The following ZNF354B variants were observed in gnomAD, a reference collection of about 807,000 sequenced individuals.
ZNF354B encodes zinc finger protein 354B.
A neutral mutation model predicts 12.9 loss-of-function variants in ZNF354B; 10 were observed. The ratio of observed to expected loss-of-function variants is 0.77; its 90% CI spans 0.48 to 1.31. The LOEUF is 1.31. Among genes scored for constraint, ZNF354B ranks in the 40% most tolerant of loss-of-function variants. The pLI, the probability that ZNF354B is intolerant of heterozygous loss-of-function variation, is 0.00. For missense variants in ZNF354B, 614 were observed against 711.7 expected, an observed-to-expected ratio of 0.86 and a Z score of 1.56; for synonymous variants, 260 against 243.7, an observed-to-expected ratio of 1.07 and a Z score of -0.62.
chr5:178,871,511 T>A (rs1362123703), intron 4 of ZNF354B, among the ~76,000 whole-genome samples: 1 of 152,214 alleles, frequency 6.6e-6, no homozygotes, highest in East Asian at 1.9e-4. Flanking sequence ...GTAATAGACC[T>A]GTTTCTTCAT....
At chr5:178,866,726 C>T (rs1365062035) in intron 3 of ZNF354B, among the ~76,000 whole-genome samples, 1 of 152,116 alleles carries the variant, frequency 6.6e-6, no homozygotes, top group South Asian at 2.1e-4. Context: ...CATTGCCTTT[C>T]CCACTGCTCC....
intron 4 of ZNF354B, among the ~76,000 whole-genome samples, chr5:178,874,555 A>T (rs1273049785): frequency 6.6e-6 from 1 of 152,112 alleles, no homozygotes; most frequent in Non-Finnish European, 1.5e-5. Context: ...GCATTATGAA[A>T]TTCTTGTAGT....
Position 178,882,994 on chromosome 5 carries a change from A to T in ZNF354B, c.542A>T (p.Lys181Ile), listed in dbSNP as rs1335290612. Residue 181 changes from lysine (K) to isoleucine (I), a missense_variant, in exon 5 of 5, where the codon AAA (lysine) becomes ATA (isoleucine). Transcript: ENST00000322434. Reference protein sequence around the residue: ...SVFIKQQRFAKEKTPSKCEIQ... With the variant: ...SVFIKQQRFAIEKTPSKCEIQ... ...TTCATTAAGCAACAGAGATTTGCTA[A>T]AGAAAAAACTCCATCAAAATGTGAA... is the stretch of plus-strand genomic sequence containing the variant. 1.9e-6 allele frequency: 3 copies of T among 1,607,436 alleles called. No individual in the cohort carries two copies. The highest frequency in any genetic ancestry group is 2.5e-6 in the Non-Finnish European group (3 of 1,178,524).
In ZNF354B at chr5:178,860,609, T is replaced by C. The variant is rs370020206; in HGVS notation, c.-51-388T>C. On this transcript the variant is annotated intron_variant, in intron 1 of 4. Coordinates refer to ENST00000322434, the MANE Select transcript of ZNF354B (RefSeq NM_058230.3). The stretch of plus-strand genomic sequence containing the variant: ...GCGGAGGGAAGTCGTCCCGGGGCCG[T>C]CGTGGTGGGAGTCCCGGCCCGCCTC... The C allele has an allele frequency of 2.1e-4, 36 of 174,616 alleles. No homozygotes were observed. In the East Asian group the frequency reaches 6.6e-3, roughly 32 times the overall value. 10.8% of individuals were successfully genotyped at this position (174,616 alleles called of 1,614,324 possible). A position where few individuals can be genotyped will look rare whatever the true frequency, so the allele number is the denominator to read the frequency against.
At chr5:178,870,060 C>G (rs984059257) in intron 4 of ZNF354B, among the ~76,000 whole-genome samples, 3 of 149,278 alleles carry the variant, frequency 2.0e-5, no homozygotes, top group Non-Finnish European at 3.0e-5. Flanking sequence ...GCCTGTGATT[C>G]CAGCACTTTG....
intron 4 of ZNF354B, among the ~76,000 whole-genome samples, chr5:178,870,181 C>T (rs1757539902): frequency 6.6e-6 from 1 of 152,264 alleles, no homozygotes; most frequent in Admixed American, 6.5e-5. Context: ...ATATTTTAGA[C>T]AAAAACCTAC....
chr5:178,877,579 A>T (rs1157825163), intron 4 of ZNF354B, among the ~76,000 whole-genome samples: 1 of 152,194 alleles, frequency 6.6e-6, no homozygotes, highest in East Asian at 1.9e-4. Context: ...GTCAGTGGGG[A>T]TTGCAAAAAT....
At chr5:178,860,498 C>A (rs1246497021) in intron 1 of ZNF354B, among the ~76,000 whole-genome samples, 2 of 152,202 alleles carry the variant, frequency 1.3e-5, no homozygotes, top group Admixed American at 1.3e-4. Flanking sequence ...GGACACCCAG[C>A]GCTTTCCTCT....
chr5:178,870,978 T>C (rs1203907438), intron 4 of ZNF354B, among the ~76,000 whole-genome samples: 2 of 152,154 alleles, frequency 1.3e-5, no homozygotes, highest in Non-Finnish European at 2.9e-5. Flanking sequence ...CCGGTTTAAT[T>C]TGTATGAGTT....
chr5:178,861,213 C>G (rs112879314), intron 2 of ZNF354B, 133 bp downstream of exon 2: 265,695 of 958,206 alleles, frequency 0.28, 44,536 homozygotes, highest in East Asian at 0.53. Flanking sequence ...GCCCTCATGA[C>G]TGGTGGATTC....
At position 178,883,118 on chromosome 5, in the gene ZNF354B, C is replaced by T; in HGVS notation, c.666C>T (p.Ala222=). The change falls in exon 5 of 5, where the codon GCC becomes GCT. Residue 222 remains alanine (A), a synonymous_variant. Coordinates refer to ENST00000322434, the MANE Select transcript of ZNF354B (RefSeq NM_058230.3). ...KRYKCSTCEK[A]FIHNSSLRKH... is the part of the protein sequence containing the mutation. ...ATAAATGCAGTACATGTGAAAAAGC[C>T]TTCATTCACAATTCATCCCTTCGTA... 6 of 1,611,262 alleles carry T rather than the reference C, an allele frequency of 3.7e-6. No homozygotes were observed. The highest frequency in any genetic ancestry group is 5.1e-6 in the Non-Finnish European group (6 of 1,179,370).
intron 4 of ZNF354B, among the ~76,000 whole-genome samples, chr5:178,875,116 G>A (rs768965070): frequency 2.4e-4 from 37 of 152,138 alleles, no homozygotes; most frequent in South Asian, 1.0e-3. Context: ...GATTGCAGCC[G>A]TGCCCCTCAG....
At chr5:178,864,789 A>AT in intron 2 of ZNF354B, among the ~76,000 whole-genome samples, 1 of 151,870 alleles carries the variant, frequency 6.6e-6, no homozygotes, top group South Asian at 2.1e-4. Context: ...CGCCCGGCTA[A>AT]TTTTTTGTAT....
At position 178,861,069 on chromosome 5, in the gene ZNF354B, G is replaced by A. The variant is rs1478161797; in HGVS notation, c.22G>A (p.Ala8Thr). Residue 8 changes from alanine (A) to threonine (T), a missense_variant, in exon 2 of 5, where the codon GCG (alanine) becomes ACG (threonine). Coordinates refer to ENST00000322434, the MANE Select transcript of ZNF354B (RefSeq NM_058230.3). ...GGACATGGCTGCTGGGCAGCGGGAA[G>A]CGAGGCCCCAGGTGAGCTCATTGCC... MAAGQRE[A>T]RPQVSLTFED... is the part of the protein sequence containing the mutation. 8.5e-7 allele frequency: 1 copy of A among 1,177,280 alleles called. No homozygotes were observed. Among genetic ancestry groups the A allele is most frequent in the Admixed American group, 2.2e-5 (1 of 45,706 alleles). 72.9% of individuals were successfully genotyped at this position (1,177,280 alleles called of 1,614,324 possible). A position where few individuals can be genotyped will look rare whatever the true frequency, so the allele number is the denominator to read the frequency against.
intron 4 of ZNF354B, among the ~76,000 whole-genome samples, chr5:178,869,102 C>T (rs1450832236): frequency 2.0e-5 from 3 of 152,194 alleles, no homozygotes; most frequent in Non-Finnish European, 4.4e-5. Context: ...GAGAGCTAAG[C>T]ATAGGCTCTG....
chr5:178,861,651 C>G (rs1757350391), intron 2 of ZNF354B, among the ~76,000 whole-genome samples: 1 of 131,314 alleles, frequency 7.6e-6, no homozygotes, highest in Admixed American at 7.6e-5. Context: ...GGAGAGGTCG[C>G]TTGACTCGCA....
At chr5:178,860,267 C>G (rs967387326) in intron 1 of ZNF354B, 140 bp downstream of exon 1, 18 of 152,000 alleles carry the variant, frequency 1.2e-4, no homozygotes, top group Non-Finnish European at 1.0e-4. Flanking sequence ...AGGACTTGGA[C>G]TCTCGCCCCT....
At chr5:178,881,619 A>G (rs1253108285) in intron 4 of ZNF354B, among the ~76,000 whole-genome samples, 2 of 140,492 alleles carry the variant, frequency 1.4e-5, no homozygotes, top group African/African-American at 2.6e-5. Flanking sequence ...TAATATGTCA[A>G]TTTTATATCC....
At position 178,883,977 on chromosome 5, in the gene ZNF354B, C is replaced by T; in HGVS notation, c.1525C>T (p.Leu509Phe). ...CAAAACATTCAGGTGTAACTCATCG[C>T]TTAGTAATCACCAGAGAATTCATAC... ...CDKTFRCNSSLSNHQRIHTGE... is the reference protein window; with the variant it reads ...CDKTFRCNSSFSNHQRIHTGE... The change falls in exon 5 of 5, where the codon CTT (leucine) becomes TTT (phenylalanine). Residue 509 changes from leucine to phenylalanine, a missense_variant. Coordinates refer to ENST00000322434, the MANE Select transcript of ZNF354B (RefSeq NM_058230.3). 6.2e-7 allele frequency: 1 copy of T among 1,614,080 alleles called. No homozygotes were observed. Among genetic ancestry groups the T allele is most frequent in the Non-Finnish European group, 8.5e-7 (1 of 1,179,978 alleles).
Sources: allele counts gnomAD v4.1 joint callset (sites outside exome capture counted in the v4.1 genomes callset), GRCh38; gene constraint gnomAD v4.1.1; transcripts MANE v1.5; gene names NCBI Gene and HGNC (gene_info 2026-07-23, HGNC 2026-07-21).